The following ARHGEF11 variants were observed in gnomAD, a reference collection of about 807,000 sequenced individuals.
ARHGEF11 encodes Rho guanine nucleotide exchange factor 11, also known as Rho guanine exchange factor (GEF) 11.
A neutral mutation model predicts 193.7 loss-of-function variants in ARHGEF11; 55 were observed. That is an observed-to-expected ratio of 0.28 (90% CI 0.23 to 0.36). The LOEUF is 0.36. Ranked by LOEUF, ARHGEF11 falls within the 10% of genes least tolerant of loss-of-function variation. The pLI is 1.00. For synonymous variants in ARHGEF11, 693 were observed against 768.0 expected, an observed-to-expected ratio of 0.90 and a Z score of 1.62; for missense variants, 1,723 against 2,005.6, an observed-to-expected ratio of 0.86 and a Z score of 2.69.
intron 21 of ARHGEF11, among the ~76,000 whole-genome samples, chr1:156,952,971 C>T (rs373142590): frequency 5.3e-5 from 8 of 152,230 alleles, no homozygotes; most frequent in Non-Finnish European, 8.8e-5. Flanking sequence ...AACTGAAAGC[C>T]GGCAGGCTGA....
chr1:157,043,296 A>G (rs989149653), intron 1 of ARHGEF11, among the ~76,000 whole-genome samples: 1 of 152,060 alleles, frequency 6.6e-6, no homozygotes, highest in African/African-American at 2.4e-5. Flanking sequence ...TCAACCACCC[A>G]TCTATCCAGT....
chr1:156,968,047 C>T lies in ARHGEF11; in HGVS notation c.903G>A (p.Arg301=), dbSNP rs749297160. 3 of 1,614,182 alleles carry T rather than the reference C, an allele frequency of 1.9e-6. No individual in the cohort carries two copies. The highest frequency in any genetic ancestry group is 2.2e-5 in the East Asian group (1 of 44,892). ...CCTGCCGCCTGTGGTGCTGGGCCAC[C>T]CTGGCCATGATCACAGGGGAGGTTC... ...SPRTSPVIMA[R]VAQHHRRQGS... is the part of the protein sequence containing the mutation. The change falls in exon 11 of 41, where the codon AGG becomes AGA. Residue 301 remains arginine (R), a synonymous_variant. Coordinates refer to ENST00000368194, the MANE Select transcript of ARHGEF11 (RefSeq NM_198236.3).
At chr1:156,963,829 G>T in intron 11 of ARHGEF11, 1 of 1,260,560 alleles carries the variant, frequency 7.9e-7, no homozygotes, top group Non-Finnish European at 1.0e-6. Flanking sequence ...CTGGTCACAT[G>T]ACATATGAAG....
intron 1 of ARHGEF11, among the ~76,000 whole-genome samples, chr1:157,031,479 C>A (rs1332273481): frequency 6.6e-6 from 1 of 152,188 alleles, no homozygotes. Flanking sequence ...ATTTAGGAAA[C>A]CCTATGGCAC....
intron 1 of ARHGEF11, among the ~76,000 whole-genome samples, chr1:157,040,217 G>A (rs1422081935): frequency 1.3e-5 from 2 of 152,132 alleles, no homozygotes; most frequent in East Asian, 1.9e-4. Flanking sequence ...GGTACATTTT[G>A]GAAAAGACTC....
intron 1 of ARHGEF11, among the ~76,000 whole-genome samples, chr1:157,026,303 T>C (rs1333474296): frequency 6.6e-6 from 1 of 152,232 alleles, no homozygotes; most frequent in Non-Finnish European, 1.5e-5. Flanking sequence ...CTTCCTATTT[T>C]ATTAAGCACT....
intron 1 of ARHGEF11, among the ~76,000 whole-genome samples, chr1:156,989,799 ATGG>A (rs1665459524): frequency 6.6e-6 from 1 of 152,250 alleles, no homozygotes; most frequent in African/African-American, 2.4e-5. Flanking sequence ...AAGAAGTAGC[ATGG>A]TGAATATCTA....
intron 1 of ARHGEF11, among the ~76,000 whole-genome samples, chr1:157,012,214 T>C (rs1668626309): frequency 6.6e-6 from 1 of 152,156 alleles, no homozygotes; most frequent in South Asian, 2.1e-4. Context: ...TTATGCTAAG[T>C]GAAAGACGCC....
At chr1:156,994,556 T>C (rs1167153257) in intron 1 of ARHGEF11, among the ~76,000 whole-genome samples, 1 of 152,104 alleles carries the variant, frequency 6.6e-6, no homozygotes, top group African/African-American at 2.4e-5. Flanking sequence ...ATGAAGGTCT[T>C]AGACAAAAAG....
At chr1:156,965,650 G>A (rs77944040) in intron 11 of ARHGEF11, among the ~76,000 whole-genome samples, 3,046 of 152,226 alleles carry the variant, frequency 0.02, 55 homozygotes, top group South Asian at 0.055. Flanking sequence ...ATCATATGTT[G>A]TCATCTTTTT....
intron 32 of ARHGEF11, among the ~76,000 whole-genome samples, chr1:156,943,458 C>T (rs1477851043): frequency 1.3e-5 from 2 of 152,174 alleles, no homozygotes; most frequent in Non-Finnish European, 2.9e-5. Flanking sequence ...GAAAGTGAAT[C>T]CAGAGAATTT....
intron 17 of ARHGEF11, among the ~76,000 whole-genome samples, chr1:156,958,305 G>C (rs1310123594): frequency 6.6e-6 from 1 of 152,192 alleles, no homozygotes; most frequent in Non-Finnish European, 1.5e-5. Flanking sequence ...CACTAGTTCA[G>C]TTTTCTGATG....
intron 1 of ARHGEF11, among the ~76,000 whole-genome samples, chr1:157,008,021 A>T (rs553948508): frequency 6.6e-6 from 1 of 151,998 alleles, no homozygotes; most frequent in Admixed American, 6.6e-5. Context: ...TAAATAAAAG[A>T]ATAAGCCTAA....
Position 156,994,784 on chromosome 1 carries a change from C to G in ARHGEF11, c.33-8611G>C, listed in dbSNP as rs143348323. ...CTCAGCCCTTTCTTGGCTATGTAGTCTTAGGCAAGTCATCCAACCTCTTCA... is the reference window on the plus strand; with the variant it reads ...CTCAGCCCTTTCTTGGCTATGTAGTGTTAGGCAAGTCATCCAACCTCTTCA... On this transcript the variant is annotated intron_variant, in intron 1 of 40. Coordinates refer to ENST00000368194, the MANE Select transcript of ARHGEF11 (RefSeq NM_198236.3). 6.1e-3 allele frequency among the ~76,000 whole-genome samples: 935 copies of G among 152,266 alleles called. 8 individuals carry two copies. Among genetic ancestry groups the G allele is most frequent in the African/African-American group, 0.021 (866 of 41,560 alleles).
Position 156,955,713 on chromosome 1 carries a change from A to C in ARHGEF11, c.1758T>G (p.Ser586=). 6 of 1,613,962 alleles carry C rather than the reference A, an allele frequency of 3.7e-6. No homozygotes were observed. Among genetic ancestry groups the C allele is most frequent in the Non-Finnish European group, 5.1e-6 (6 of 1,179,788 alleles). ...TCCCCAAATACTCACTGCTTTGAGA[A>C]GAGCTTTTGGGCTTCCCAATGTATT... ...ILKYIGKPKS[S]SQSTFHIPLS... is the part of the protein sequence containing the mutation. Residue 586 remains serine, a synonymous_variant, in exon 20 of 41, where the codon TCT becomes TCG. Coordinates refer to ENST00000368194, the MANE Select transcript of ARHGEF11 (RefSeq NM_198236.3).
chr1:156,956,653 G>A, intron 18 of ARHGEF11, 89 bp from the exon 19 acceptor site: 1 of 1,555,752 alleles, frequency 6.4e-7, no homozygotes, highest in Non-Finnish European at 8.7e-7. Flanking sequence ...CAGTGGAGTG[G>A]GGAAGGGGTA....
At chr1:156,944,528 G>C in intron 30 of ARHGEF11, 95 bp from the exon 31 acceptor site, 1 of 1,345,640 alleles carries the variant, frequency 7.4e-7, no homozygotes, top group Non-Finnish European at 1.1e-6. Context: ...TTAAGGTGCT[G>C]GGAATTGGTA....
chr1:157,020,442 A>G (rs1011860589), intron 1 of ARHGEF11, among the ~76,000 whole-genome samples: 4 of 152,226 alleles, frequency 2.6e-5, no homozygotes, highest in African/African-American at 9.6e-5. Context: ...AGGCTGTCCC[A>G]AAACATTCTG....
At position 157,045,649 on chromosome 1, in the gene ARHGEF11, T is replaced by A. The variant is rs1012404856; in HGVS notation, c.-1319A>T. On this transcript the variant is annotated 5_prime_UTR_variant, in exon 1 of 41. Coordinates refer to ENST00000368194, the MANE Select transcript of ARHGEF11 (RefSeq NM_198236.3). ...CCGCTCGCCCCGCGCCCGACCGCCG[T>A]GTTCCGGCCTTCGCGGCCGCTCGGG... Among the ~76,000 whole-genome samples the A allele has an allele frequency of 6.8e-6, 1 of 147,504 alleles. No individual in the cohort carries two copies. Among genetic ancestry groups the A allele is most frequent in the Middle Eastern group, 3.2e-3 (1 of 314 alleles).
Sources: allele counts gnomAD v4.1 joint callset (sites outside exome capture counted in the v4.1 genomes callset), GRCh38; gene constraint gnomAD v4.1.1; transcripts MANE v1.5; gene names NCBI Gene and HGNC (gene_info 2026-07-23, HGNC 2026-07-21).